KIAA1671: variants seen among roughly 807,000 people sequenced by gnomAD.
The protein encoded by KIAA1671 is uncharacterized protein KIAA1671.
A neutral mutation model predicts 131.2 loss-of-function variants in KIAA1671; 52 were observed. That is an observed-to-expected ratio of 0.40 (90% confidence interval 0.32 to 0.50). The LOEUF (loss-of-function observed/expected upper bound fraction) is 0.50, where lower values mean the gene tolerates loss of function less well. Among genes scored for constraint, KIAA1671 ranks in the 20% least tolerant of loss-of-function variants. The pLI is 0.73. For missense variants in KIAA1671, 2,360 were observed against 2,364.2 expected (o/e 1.00, Z 0.04); for synonymous variants, 1,003 against 961.6 (o/e 1.04, Z -0.80).
At chr22:25,174,183 C>G in intron 7 of KIAA1671, 57 bp from the exon 8 acceptor site, 1 of 1,529,848 alleles carries the variant, frequency 6.5e-7, no homozygotes, top group Non-Finnish European at 8.8e-7. Flanking sequence ...CACTTGAAAT[C>G]CCGTTCTCTG....
chr22:24,977,034 C>T (rs1245484254), intron 1 of KIAA1671, among the ~76,000 whole-genome samples: 2 of 152,094 alleles, frequency 1.3e-5, no homozygotes, highest in Non-Finnish European at 2.9e-5. Flanking sequence ...GCAATGGGAA[C>T]GATATTAATA....
chr22:25,016,864 T>G (rs1176835581), intron 1 of KIAA1671, among the ~76,000 whole-genome samples: 2 of 152,196 alleles, frequency 1.3e-5, no homozygotes, highest in African/African-American at 4.8e-5. Context: ...GCCAGCGGTG[T>G]TAAACAGCAA....
At chr22:25,116,634 C>T (rs1418095054) in intron 6 of KIAA1671, among the ~76,000 whole-genome samples, 1 of 151,482 alleles carries the variant, frequency 6.6e-6, no homozygotes, top group Admixed American at 6.6e-5. Context: ...GTTGGCCAGG[C>T]TGGTCTCGAA....
intron 6 of KIAA1671, among the ~76,000 whole-genome samples, chr22:25,067,693 C>T (rs930897184): frequency 6.6e-6 from 1 of 152,210 alleles, no homozygotes; most frequent in Admixed American, 6.5e-5. Context: ...TGCCTCCTTC[C>T]AGCCCCTTTC....
chr22:25,080,820 A>G (rs529069983), intron 6 of KIAA1671, among the ~76,000 whole-genome samples: 6 of 152,254 alleles, frequency 3.9e-5, no homozygotes, highest in African/African-American at 1.4e-4. Flanking sequence ...TGCTTTTTAC[A>G]GTAATAAAAA....
chr22:24,996,767 G>A (rs1167680894), intron 1 of KIAA1671, among the ~76,000 whole-genome samples: 4 of 152,184 alleles, frequency 2.6e-5, no homozygotes, highest in African/African-American at 9.7e-5. Flanking sequence ...CAGGAGGGGT[G>A]GAGACTGTAG....
intron 10 of KIAA1671, among the ~76,000 whole-genome samples, chr22:25,182,182 A>AAAAAAC (rs1555885469): frequency 1.3e-5 from 2 of 148,500 alleles, no homozygotes; most frequent in African/African-American, 2.5e-5. Flanking sequence ...CCATCTCAAA[A>AAAAAAC]AAAAAACAAA....
intron 11 of KIAA1671, among the ~76,000 whole-genome samples, chr22:25,189,029 A>G (rs574768288): frequency 6.6e-6 from 1 of 152,016 alleles, no homozygotes; most frequent in African/African-American, 2.4e-5. Context: ...GAGGCAGGCA[A>G]GTCCCAAATC....
At chr22:24,953,686 G>A (rs754591744) in intron 1 of KIAA1671, among the ~76,000 whole-genome samples, 6 of 151,958 alleles carry the variant, frequency 3.9e-5, no homozygotes, top group Non-Finnish European at 7.4e-5. Context: ...CACCCTGCTG[G>A]CACAAACTCG....
intron 6 of KIAA1671, among the ~76,000 whole-genome samples, chr22:25,085,751 A>T (rs999219016): frequency 1.4e-5 from 2 of 144,040 alleles, no homozygotes; most frequent in Non-Finnish European, 3.0e-5. Context: ...TGAGTGAAGC[A>T]AACTGATAAG....
chr22:25,192,105 GGTGCAGTACATGT>G (rs1312145792), intron 12 of KIAA1671, among the ~76,000 whole-genome samples: 2 of 152,048 alleles, frequency 1.3e-5, no homozygotes, highest in Non-Finnish European at 2.9e-5. Flanking sequence ...TTTTGTGTTT[GGTGCAGTACATGT>G]AATATCTCAT....
chr22:25,104,680 A>G (rs1287316243), intron 6 of KIAA1671, among the ~76,000 whole-genome samples: 2 of 151,560 alleles, frequency 1.3e-5, no homozygotes, highest in Non-Finnish European at 2.9e-5. Context: ...GTTGGGGTTC[A>G]CCCTCCCTAT....
chr22:25,065,782 G>A (rs570065641), intron 6 of KIAA1671, among the ~76,000 whole-genome samples: 2 of 151,978 alleles, frequency 1.3e-5, no homozygotes, highest in East Asian at 3.9e-4. Flanking sequence ...TGGGATTATA[G>A]GTGCCTGCCA....
rs1026837335 is a variant in KIAA1671, at chr22:25,192,893, A to C, written c.*492A>C. 1 of 151,660 alleles carries C rather than the reference A, an allele frequency of 6.6e-6. No homozygotes were observed. The highest frequency in any genetic ancestry group is 2.4e-5 in the African/African-American group (1 of 41,264). 9.4% of individuals were successfully genotyped at this position (151,660 alleles called of 1,614,324 possible). A position where few individuals can be genotyped will look rare whatever the true frequency, so the allele number is the denominator to read the frequency against. Reference sequence around the variant, plus strand: ...TCATTTTCTGCTGTAGTCTCGGTGCAGGGTATTACCGCTGGGTTGAGGTTT... The same window carrying C: ...TCATTTTCTGCTGTAGTCTCGGTGCCGGGTATTACCGCTGGGTTGAGGTTT... On this transcript the variant is annotated 3_prime_UTR_variant, in exon 13 of 13. Coordinates refer to ENST00000358431, the MANE Select transcript of KIAA1671 (RefSeq NM_001145206.2).
chr22:25,170,102 A>G (rs563857877), intron 6 of KIAA1671, among the ~76,000 whole-genome samples: 8 of 152,174 alleles, frequency 5.3e-5, no homozygotes, highest in African/African-American at 1.9e-4. Context: ...TTTAGTAGAG[A>G]TGAGGTTTCA....
chr22:25,115,531 A>C (rs768007169), intron 6 of KIAA1671, among the ~76,000 whole-genome samples: 1 of 152,194 alleles, frequency 6.6e-6, no homozygotes, highest in Non-Finnish European at 1.5e-5. Flanking sequence ...ACTAAGAGCA[A>C]GCATAGCCCT....
In KIAA1671 at chr22:25,183,667, C is replaced by T. The variant is rs193094802; in HGVS notation, c.5200-1310C>T. 3.2e-3 allele frequency among the ~76,000 whole-genome samples: 480 copies of T among 152,004 alleles called. 21 individuals are homozygous for T. Among genetic ancestry groups the T allele is most frequent in the Admixed American group, 0.028 (429 of 15,266 alleles). On this transcript the variant is annotated intron_variant, in intron 10 of 12. Coordinates refer to ENST00000358431, the MANE Select transcript of KIAA1671 (RefSeq NM_001145206.2). The stretch of plus-strand genomic sequence containing the variant: ...CCTCCCGAGTAGCTGGGACTACAGG[C>T]GCCGGCCACCATGCCTGGCTAATTT...
At chr22:25,161,262 C>T (rs939054731) in intron 6 of KIAA1671, among the ~76,000 whole-genome samples, 4 of 152,224 alleles carry the variant, frequency 2.6e-5, no homozygotes, top group Admixed American at 2.0e-4. Context: ...CTGGGAGGGA[C>T]ACACATTCAA....
chr22:24,955,802 G>A (rs1421748270), intron 1 of KIAA1671, among the ~76,000 whole-genome samples: 1 of 152,036 alleles, frequency 6.6e-6, no homozygotes, highest in African/African-American at 2.4e-5. Flanking sequence ...AAGGCAGGAC[G>A]ATCACGAGGT....
Sources: gnomAD v4.1 joint callset for allele counts (sites outside exome capture counted in the v4.1 genomes callset) on GRCh38, gnomAD v4.1.1 for gene constraint, MANE v1.5 for transcripts, NCBI Gene and HGNC (gene_info 2026-07-23, HGNC 2026-07-21) for gene names.